SPATS2: variants seen among roughly 807,000 people sequenced by gnomAD.
SPATS2 encodes spermatogenesis associated serine rich 2, also known as spermatogenesis-associated serine-rich protein 2.
SPATS2 carries 38 observed loss-of-function variants against 63.7 expected under a neutral mutation model. The ratio of observed to expected loss-of-function variants is 0.60; its 90% CI spans 0.46 to 0.78. The LOEUF (loss-of-function observed/expected upper bound fraction) is 0.78. Among genes scored for constraint, SPATS2 ranks in the 30% least tolerant of loss-of-function variants. SPATS2 has a pLI of 0.00. For missense variants in SPATS2, 588 were observed against 666.2 expected (o/e 0.88, Z 1.29); for synonymous variants, 207 against 232.9 (o/e 0.89, Z 1.01).
At chr12:49,484,001 T>G (rs1250970860) in intron 3 of SPATS2, among the ~76,000 whole-genome samples, 1 of 152,226 alleles carries the variant, frequency 6.6e-6, no homozygotes, top group Non-Finnish European at 1.5e-5. Context: ...GCACATAGCC[T>G]TTTTCTTTGT....
chr12:49,470,211 T>C (rs1946010907), intron 3 of SPATS2, among the ~76,000 whole-genome samples: 1 of 152,106 alleles, frequency 6.6e-6, no homozygotes, highest in Non-Finnish European at 1.5e-5. Context: ...TTTGTATTTT[T>C]AGTAGAGACG....
intron 2 of SPATS2, among the ~76,000 whole-genome samples, chr12:49,438,639 AT>A (rs1456539374): frequency 6.6e-6 from 1 of 152,070 alleles, no homozygotes; most frequent in Non-Finnish European, 1.5e-5. Context: ...TGTGTGTTTA[AT>A]TTTTATTTTG....
intron 2 of SPATS2, among the ~76,000 whole-genome samples, chr12:49,380,976 G>C (rs1411720545): frequency 6.6e-6 from 1 of 151,444 alleles, no homozygotes; most frequent in Non-Finnish European, 1.5e-5. Context: ...GTTTTCCATA[G>C]CGGCTGTACC....
At chr12:49,503,328 C>A (rs1262620870) in intron 9 of SPATS2, among the ~76,000 whole-genome samples, 1 of 150,714 alleles carries the variant, frequency 6.6e-6, no homozygotes, top group African/African-American at 2.4e-5. Context: ...CCAGCCTGGG[C>A]GATAGGGCGA....
chr12:49,423,973 C>T (rs1396957749), intron 2 of SPATS2, among the ~76,000 whole-genome samples: 7 of 152,220 alleles, frequency 4.6e-5, no homozygotes, highest in Middle Eastern at 3.4e-3. Flanking sequence ...GAGGCCAAGG[C>T]GGGCAAATCA....
chr12:49,395,885 T>C (rs75946960), intron 2 of SPATS2, among the ~76,000 whole-genome samples: 4,437 of 152,322 alleles, frequency 0.029, 92 homozygotes, highest in Middle Eastern at 0.078. Flanking sequence ...TGAAACTTTA[T>C]ACCCACTGAA....
At chr12:49,427,270 T>C (rs1945096944) in intron 2 of SPATS2, among the ~76,000 whole-genome samples, 1 of 152,238 alleles carries the variant, frequency 6.6e-6, no homozygotes, top group Non-Finnish European at 1.5e-5. Flanking sequence ...TGTTTTAGCA[T>C]TAGTTGTATT....
chr12:49,511,200 A>G (rs1181770468), intron 9 of SPATS2, among the ~76,000 whole-genome samples: 1 of 152,186 alleles, frequency 6.6e-6, no homozygotes, highest in African/African-American at 2.4e-5. Context: ...AAAAAAAGAA[A>G]AAAAAAAAAC....
intron 2 of SPATS2, among the ~76,000 whole-genome samples, chr12:49,444,956 A>T (rs1459139865): frequency 6.6e-6 from 1 of 152,100 alleles, no homozygotes; most frequent in Non-Finnish European, 1.5e-5. Flanking sequence ...TGCTGAACTA[A>T]TGTTTTAGTC....
At chr12:49,446,511 G>A (rs1455335309) in intron 2 of SPATS2, among the ~76,000 whole-genome samples, 1 of 152,230 alleles carries the variant, frequency 6.6e-6, no homozygotes, top group African/African-American at 2.4e-5. Flanking sequence ...GAGGTTCCCA[G>A]TTCCTTCCTG....
chr12:49,379,329 C>T lies in SPATS2; in HGVS notation c.-244+8039C>T, dbSNP rs529018243. Among the ~76,000 whole-genome samples the T allele has an allele frequency of 2.3e-4, 34 of 150,224 alleles. 1 individual carries two copies. The highest frequency in any genetic ancestry group is 7.3e-4 in the African/African-American group (30 of 41,126). ...CTGGGAGGCTGAGGTGGGTGGATCA[C>T]GAGGTCAGGAGATCGAGACCATCCT... On this transcript the variant is annotated intron_variant, in intron 2 of 13. Transcript: ENST00000552918.
At chr12:49,399,897 C>T (rs971603494) in intron 2 of SPATS2, among the ~76,000 whole-genome samples, 1 of 152,048 alleles carries the variant, frequency 6.6e-6, no homozygotes, top group Admixed American at 6.6e-5. Flanking sequence ...ATTAGCCAGG[C>T]GTGGTGGCAG....
At chr12:49,427,325 C>T (rs1050716088) in intron 2 of SPATS2, among the ~76,000 whole-genome samples, 1 of 152,118 alleles carries the variant, frequency 6.6e-6, no homozygotes, top group African/African-American at 2.4e-5. Flanking sequence ...CTGGAATTTT[C>T]TACTTAACAT....
intron 9 of SPATS2, among the ~76,000 whole-genome samples, chr12:49,503,477 G>A (rs553489632): frequency 6.7e-4 from 99 of 147,506 alleles, no homozygotes; most frequent in African/African-American, 2.4e-3. Flanking sequence ...GTGAAACCCC[G>A]TCTCTACTAA....
chr12:49,489,423 C>G (rs1946348254), intron 4 of SPATS2, 42 bp from the exon 5 acceptor site: 2 of 1,532,092 alleles, frequency 1.3e-6, no homozygotes, highest in Admixed American at 1.7e-5. Context: ...TGCCTAGTGA[C>G]CTACTAATGT....
chr12:49,412,113 C>T (rs952724138), intron 2 of SPATS2, among the ~76,000 whole-genome samples: 2 of 152,080 alleles, frequency 1.3e-5, no homozygotes, highest in Non-Finnish European at 2.9e-5. Context: ...TCTGCAGATA[C>T]AACTGCATTT....
intron 2 of SPATS2, among the ~76,000 whole-genome samples, chr12:49,403,046 G>A (rs1227706047): frequency 6.6e-6 from 1 of 152,126 alleles, no homozygotes; most frequent in African/African-American, 2.4e-5. Flanking sequence ...GTGGAGAAAG[G>A]GGGTGAGAGT....
chr12:49,377,188 A>G (rs1944122380), intron 2 of SPATS2, among the ~76,000 whole-genome samples: 1 of 152,136 alleles, frequency 6.6e-6, no homozygotes, highest in African/African-American at 2.4e-5. Flanking sequence ...GTTATTACTC[A>G]AAGGTTGTAT....
chr12:49,497,065 G>C (rs534060411), intron 8 of SPATS2, 56 bp downstream of exon 8: 13 of 1,475,988 alleles, frequency 8.8e-6, no homozygotes, highest in Non-Finnish European at 1.2e-5. Flanking sequence ...TTTGGCTAAA[G>C]AGGGCAAATT....
Sources: allele counts gnomAD v4.1 joint callset (sites outside exome capture counted in the v4.1 genomes callset), GRCh38; gene constraint gnomAD v4.1.1; transcripts MANE v1.5; gene names NCBI Gene and HGNC (gene_info 2026-07-23, HGNC 2026-07-21).